AP1G2: variants seen among roughly 807,000 people sequenced by gnomAD.
The protein encoded by AP1G2 is adaptor related protein complex 1 subunit gamma 2, also known as AP-1 complex subunit gamma-like 2.
Under a neutral mutation model 95.8 loss-of-function variants are expected in AP1G2, and 85 were observed. The observed-to-expected ratio is 0.89, with a 90% CI of 0.74 to 1.06. The LOEUF is 1.06. AP1G2 is among the 50% of genes least tolerant of loss of function. The probability of loss-of-function intolerance (pLI) is 0.00; values close to 1 mark genes in which losing one functional copy is unlikely to be tolerated. For missense variants in AP1G2, 967 were observed against 1,005.8 expected (o/e 0.96, Z 0.52); for synonymous variants, 378 against 400.0 (o/e 0.94, Z 0.66).
In AP1G2 at chr14:23,567,757, C is replaced by T; in HGVS notation, c.-24G>A. 9.9e-7 allele frequency: 1 copy of T among 1,009,002 alleles called. No individual in the cohort carries two copies. Among genetic ancestry groups the T allele is most frequent in the Non-Finnish European group, 1.2e-6 (1 of 844,718 alleles). 62.5% of individuals were successfully genotyped at this position (1,009,002 alleles called of 1,614,324 possible). On this transcript the variant is annotated 5_prime_UTR_variant, in exon 1 of 22. Transcript: ENST00000397120. This position sits in a 1 kb window ranked among gnomAD's most constrained non-coding sequence, Gnocchi z 5.3. The stretch of plus-strand genomic sequence containing the variant: ...GCCTCACCTGGCTTCTGCCTCAACT[C>T]CGCTCCTCTGCCCCCCAGCGCTTCC...
rs1595379333 is a variant in AP1G2, at chr14:23,567,221, A to G, written c.94T>C (p.Cys32Arg). Residue 32 changes from cysteine to arginine, a missense_variant, in exon 2 of 22, where the codon TGT becomes CGT. Coordinates refer to ENST00000397120, the MANE Select transcript of AP1G2 (RefSeq NM_003917.5). This position sits in a 1 kb window ranked among gnomAD's most constrained non-coding sequence, Gnocchi z 5.3. Reference protein sequence around the residue: ...AQEREVIQKECAHIRASFRDG... With the variant: ...AQEREVIQKERAHIRASFRDG... The stretch of plus-strand genomic sequence containing the variant: ...CGGAAGGAGGCCCGGATGTGGGCAC[A>G]CTCCTTTTGGATCACCTCCCGCTCC... 6.2e-7 allele frequency: 1 copy of G among 1,612,434 alleles called. No individual in the cohort carries two copies. Among genetic ancestry groups the G allele is most frequent in the East Asian group, 2.2e-5 (1 of 44,774 alleles).
intron 9 of AP1G2, 38 bp downstream of exon 9, chr14:23,564,523 TG>T: frequency 2.5e-6 from 4 of 1,606,500 alleles, no homozygotes; most frequent in Non-Finnish European, 3.4e-6. Context: ...GGTGAGGTGG[TG>T]GGCGGGGCCG....
Position 23,566,657 on chromosome 14 carries a change from G to A in AP1G2, c.234C>T (p.Ser78=). 3 of 1,614,200 alleles carry A rather than the reference G, an allele frequency of 1.9e-6. No homozygotes were observed. Among genetic ancestry groups the A allele is most frequent in the Non-Finnish European group, 2.5e-6 (3 of 1,180,044 alleles). Residue 78 remains serine (S), a synonymous_variant, in exon 3 of 22, where the codon TCC becomes TCT. Coordinates refer to ENST00000397120, the MANE Select transcript of AP1G2 (RefSeq NM_003917.5). ...QMECLKLIAS[S]RFTDKRVGYL... is the part of the protein sequence containing the mutation. Reference sequence around the variant, plus strand: ...AGCCCACCCTCTTGTCTGTGAATCTGGAGGAGGCGATCAGTTTCAGGCACT... The same window carrying A: ...AGCCCACCCTCTTGTCTGTGAATCTAGAGGAGGCGATCAGTTTCAGGCACT...
intron 14 of AP1G2, 58 bp from the exon 15 acceptor site, chr14:23,562,651 C>T: frequency 6.4e-7 from 1 of 1,562,962 alleles, no homozygotes; most frequent in East Asian, 2.3e-5. Context: ...GCCTGTAATC[C>T]CAGCGCATTG....
At position 23,565,177 on chromosome 14, in the gene AP1G2, C is replaced by T. The variant is rs201523657; in HGVS notation, c.764G>A (p.Arg255Gln). Residue 255 changes from arginine (R) to glutamine (Q), a missense_variant, in exon 8 of 22, where the codon CGG (arginine) becomes CAG (glutamine). By Grantham distance (43) the Arg-to-Gln change is conservative (BLOSUM62 1). Coordinates refer to ENST00000397120, the MANE Select transcript of AP1G2 (RefSeq NM_003917.5). Reference sequence around the variant, plus strand: ...CTCCTCGTGGTTCCGGCCCAGGATCCGAAGCAGACGAAGTATCTGGACCTG... The same window carrying T: ...CTCCTCGTGGTTCCGGCCCAGGATCTGAAGCAGACGAAGTATCTGGACCTG... ...FLQVQILRLL[R>Q]ILGRNHEESS... 202 of 1,614,028 alleles carry T rather than the reference C, an allele frequency of 1.3e-4. 1 individual carries two copies. The Admixed American group carries it at 1.7e-3, about 13-fold the overall frequency.
intron 14 of AP1G2, chr14:23,562,885 G>A (rs1885787681): frequency 1.9e-6 from 1 of 515,958 alleles, no homozygotes; most frequent in Admixed American, 4.0e-5. Context: ...GGAAAGGGAA[G>A]TTTGTTACCT....
Position 23,564,966 on chromosome 14 carries a change from A to G in AP1G2, c.822+153T>C, listed in dbSNP as rs1213010180. 3.9e-6 allele frequency: 3 copies of G among 770,356 alleles called. No homozygotes were observed. The East Asian group carries it at 8.0e-5, about 21-fold the overall frequency. 47.7% of individuals were successfully genotyped at this position (770,356 alleles called of 1,614,324 possible). ...TGGGCACTGGGGCAATAGCACTAAG[A>G]CAGACTGTGTCCCTTCTTCATGGAG... On this transcript the variant is annotated intron_variant, in intron 8 of 21. Transcript: ENST00000397120.
At chr14:23,560,994 A>G (rs1312082389) in intron 19 of AP1G2, 1 of 758,096 alleles carries the variant, frequency 1.3e-6, no homozygotes, top group Non-Finnish European at 1.7e-6. Flanking sequence ...AAAAAAGAAC[A>G]TGAAATGCCA....
intron 2 of AP1G2, 167 bp downstream of exon 2, chr14:23,566,944 C>G (rs1476942995): frequency 3.3e-6 from 3 of 915,214 alleles, no homozygotes; most frequent in African/African-American, 3.4e-5. Flanking sequence ...TTCAGGCCAG[C>G]TGATGACCAG....
chr14:23,567,339 G>A lies in AP1G2; in HGVS notation c.-5-20C>T, dbSNP rs1448321877. ...TCCTGACTGGCAGAGTCCGGGAGTG[G>A]AGAAACACTCTCTGGTCGGGCGTGC... On this transcript the variant is annotated intron_variant, in intron 1 of 21. Coordinates refer to ENST00000397120, the MANE Select transcript of AP1G2 (RefSeq NM_003917.5). The surrounding 1 kb of genome is among the most constrained non-coding windows in gnomAD (Gnocchi z 5.3). 13 of 1,607,434 alleles carry A rather than the reference G, an allele frequency of 8.1e-6. No homozygotes were observed. The highest frequency in any genetic ancestry group is 1.1e-5 in the Non-Finnish European group (13 of 1,178,402).
intron 7 of AP1G2, 37 bp from the exon 8 acceptor site, chr14:23,565,236 C>A (rs1887223850): frequency 6.2e-7 from 1 of 1,603,070 alleles, no homozygotes; most frequent in African/African-American, 1.3e-5. Context: ...TGGAGGGGTT[C>A]ATAGGATAAG....
At chr14:23,563,211 C>G in intron 14 of AP1G2, 169 bp downstream of exon 14, 1 of 1,443,976 alleles carries the variant, frequency 6.9e-7, no homozygotes, top group Non-Finnish European at 9.1e-7. Flanking sequence ...AGAGTCAGGA[C>G]AAAAGCCCAG....
intron 7 of AP1G2, 53 bp from the exon 8 acceptor site, chr14:23,565,252 G>A (rs945545456): frequency 6.5e-5 from 101 of 1,562,084 alleles, no homozygotes; most frequent in Non-Finnish European, 6.2e-5. Flanking sequence ...ATAAGGAGTC[G>A]TGGGGCTGAG....
Position 23,563,610 on chromosome 14 carries a change from C to CT in AP1G2, c.1260dup (p.Asp421ArgfsTer17). 6.2e-7 allele frequency: 1 copy of CT among 1,614,208 alleles called. No individual in the cohort carries two copies. The highest frequency in any genetic ancestry group is 1.3e-5 in the African/African-American group (1 of 75,038). On this transcript the variant is annotated frameshift_variant, in exon 13 of 22. Transcript: ENST00000397120. LOFTEE classifies it high-confidence loss of function. ...GTTGTCAGCACATGCAGGATGGTGT[C>CT]TATGTGCCAGCGTTTGGTTGGAGCA...
In AP1G2 at chr14:23,562,064, C is replaced by G. The variant is rs375677387; in HGVS notation, c.1631G>C (p.Arg544Pro). 1.6e-5 allele frequency: 25 copies of G among 1,612,628 alleles called. No individual in the cohort carries two copies. Among genetic ancestry groups the G allele is most frequent in the Non-Finnish European group, 2.1e-5 (25 of 1,179,500 alleles). The change falls in exon 17 of 22, where the codon CGC becomes CCC. Residue 544 changes from arginine to proline, a missense_variant and splice_region_variant. Coordinates refer to ENST00000397120, the MANE Select transcript of AP1G2 (RefSeq NM_003917.5). ...GTAGATGGACACCACCTGGCGGATGCGGCTGGGCCAGTGTAGTATGTAAGT... is the reference window on the plus strand; with the variant it reads ...GTAGATGGACACCACCTGGCGGATGGGGCTGGGCCAGTGTAGTATGTAAGT... ...LSTRLCGDNN[R>P]IRQVVSIYGS...
intron 10 of AP1G2, 73 bp downstream of exon 10, chr14:23,564,260 A>C: frequency 6.2e-7 from 1 of 1,613,708 alleles, no homozygotes; most frequent in South Asian, 1.1e-5. Context: ...ATGGATCAGG[A>C]GGCTCTGGAG....
chr14:23,564,284 G>T (rs564197849), intron 10 of AP1G2, 49 bp downstream of exon 10: 2 of 1,613,954 alleles, frequency 1.2e-6, no homozygotes, highest in East Asian at 4.5e-5. Flanking sequence ...GGAGGGCAGA[G>T]GGCCAGGGGA....
Position 23,562,278 on chromosome 14 carries a change from C to T in AP1G2, c.1628+10G>A. The T allele has an allele frequency of 6.2e-7, 1 of 1,613,986 alleles. No individual in the cohort carries two copies. The highest frequency in any genetic ancestry group is 1.7e-5 in the Admixed American group (1 of 60,012). ...AGGCCATCTCTCAAGGGGCTGGGAC[C>T]CCTTCTTACTTGTTGTCCCCACAGA... On this transcript the variant is annotated intron_variant, in intron 16 of 21. Coordinates refer to ENST00000397120, the MANE Select transcript of AP1G2 (RefSeq NM_003917.5).
chr14:23,562,496 G>A lies in AP1G2; in HGVS notation c.1500+8C>T. The A allele has an allele frequency of 6.2e-7, 1 of 1,614,144 alleles. No individual in the cohort carries two copies. Among genetic ancestry groups the A allele is most frequent in the Non-Finnish European group, 8.5e-7 (1 of 1,180,002 alleles). The stretch of plus-strand genomic sequence containing the variant: ...TCCCTCCTCAGTGTACCCCCAATGA[G>A]GTCTCACCTGAAGGGGCTCAATCTC... On this transcript the variant is annotated splice_region_variant and intron_variant, in intron 15 of 21. Coordinates refer to ENST00000397120, the MANE Select transcript of AP1G2 (RefSeq NM_003917.5).
Sources: allele counts gnomAD v4.1 joint callset, GRCh38; gene constraint gnomAD v4.1.1; non-coding constraint Gnocchi (gnomAD v3.1); transcripts MANE v1.5; gene names NCBI Gene and HGNC (gene_info 2026-07-23, HGNC 2026-07-21).